PCCB: variants seen among roughly 807,000 people sequenced by gnomAD.
PCCB encodes propionyl-CoA carboxylase subunit beta.
PCCB carries 43 observed loss-of-function variants against 60.7 expected under a neutral mutation model. That is an observed-to-expected ratio of 0.71 (90% CI 0.55 to 0.91). The LOEUF (loss-of-function observed/expected upper bound fraction) is 0.91, where lower values mean the gene tolerates loss of function less well. PCCB is among the 40% of genes least tolerant of loss of function. PCCB has a pLI of 0.00. For synonymous variants in PCCB, 276 were observed against 255.9 expected (o/e 1.08, Z -0.75); for missense variants, 766 against 702.8 (o/e 1.09, Z -1.02).
chr3:136,300,108 GCATATCTA>G (rs1934201264), intron 8 of PCCB, among the ~76,000 whole-genome samples: 1 of 150,418 alleles, frequency 6.6e-6, no homozygotes, highest in African/African-American at 2.5e-5. Context: ...ATACATACAT[GCATATCTA>G]CACGTGTATA....
At chr3:136,259,235 G>A in intron 3 of PCCB, 1 of 1,084,536 alleles carries the variant, frequency 9.2e-7, no homozygotes, top group Non-Finnish European at 1.2e-6. Flanking sequence ...GGGAGGCCGA[G>A]GTGGGTAGAT....
intron 14 of PCCB, among the ~76,000 whole-genome samples, chr3:136,329,420 T>A (rs1360587724): frequency 6.6e-6 from 1 of 152,162 alleles, no homozygotes; most frequent in Non-Finnish European, 1.5e-5. Context: ...AAAGGGAAAC[T>A]GAGGCCTAGA....
intron 9 of PCCB, among the ~76,000 whole-genome samples, chr3:136,316,239 AAGC>A (rs950510156): frequency 6.6e-6 from 1 of 152,064 alleles, no homozygotes; most frequent in African/African-American, 2.4e-5. Flanking sequence ...AAAAAAAAAA[AAGC>A]AGAATAGTTT....
intron 8 of PCCB, among the ~76,000 whole-genome samples, chr3:136,300,418 G>A (rs1269453262): frequency 6.6e-6 from 1 of 152,192 alleles, no homozygotes; most frequent in African/African-American, 2.4e-5. Flanking sequence ...AAGTTGCTGG[G>A]TCCTCCTGTA....
intron 5 of PCCB, among the ~76,000 whole-genome samples, chr3:136,283,358 G>C (rs1461654897): frequency 6.6e-6 from 1 of 152,150 alleles, no homozygotes; most frequent in Admixed American, 6.5e-5. Flanking sequence ...TGGGTACTCA[G>C]TGTCAAGAAG....
At chr3:136,259,932 A>C (rs1293351209) in intron 3 of PCCB, among the ~76,000 whole-genome samples, 1 of 143,414 alleles carries the variant, frequency 7.0e-6, no homozygotes, top group Non-Finnish European at 1.5e-5. Flanking sequence ...TTTATATTTT[A>C]GTAGAGATGG....
At chr3:136,253,365 AG>A (rs1257774178) in intron 1 of PCCB, among the ~76,000 whole-genome samples, 2 of 151,706 alleles carry the variant, frequency 1.3e-5, no homozygotes, top group African/African-American at 4.9e-5. Context: ...TTGGGATTAC[AG>A]GCGTGAGCCA....
intron 6 of PCCB, among the ~76,000 whole-genome samples, chr3:136,285,454 C>T (rs1227695022): frequency 6.6e-6 from 1 of 151,946 alleles, no homozygotes; most frequent in East Asian, 1.9e-4. Context: ...AAACTGTCCT[C>T]TAGTTGGCAT....
At chr3:136,251,036 G>T (rs985081977) in intron 1 of PCCB, among the ~76,000 whole-genome samples, 1 of 152,162 alleles carries the variant, frequency 6.6e-6, no homozygotes, top group Non-Finnish European at 1.5e-5. Context: ...ACATGAAATG[G>T]GGGATGTGCG....
At chr3:136,291,931 G>A (rs1039453116) in intron 6 of PCCB, among the ~76,000 whole-genome samples, 1 of 152,166 alleles carries the variant, frequency 6.6e-6, no homozygotes, top group Non-Finnish European at 1.5e-5. Context: ...TGATCTCTCC[G>A]ACTTGTCCAT....
intron 10 of PCCB, among the ~76,000 whole-genome samples, chr3:136,324,065 T>A (rs544768900): frequency 2.8e-4 from 41 of 148,036 alleles, no homozygotes; most frequent in Non-Finnish European, 5.4e-4. Context: ...TTCCAGAGAC[T>A]ATATTTTTTG....
At chr3:136,313,359 A>T (rs960600637) in intron 9 of PCCB, among the ~76,000 whole-genome samples, 1 of 151,926 alleles carries the variant, frequency 6.6e-6, no homozygotes, top group Non-Finnish European at 1.5e-5. Flanking sequence ...TGGTTGAATA[A>T]ACTTTGGTAC....
intron 2 of PCCB, 54 bp downstream of exon 2, chr3:136,256,029 A>G: frequency 6.2e-7 from 1 of 1,612,590 alleles, no homozygotes; most frequent in Non-Finnish European, 8.5e-7. Context: ...CAGCTGGCCT[A>G]CCCACTAGAA....
intron 6 of PCCB, among the ~76,000 whole-genome samples, chr3:136,288,333 A>G (rs780036367): frequency 4.6e-5 from 7 of 151,784 alleles, no homozygotes; most frequent in Middle Eastern, 3.2e-3. Flanking sequence ...TTACTTCTTA[A>G]AATGTTTTTT....
chr3:136,277,461 C>T (rs947965566), intron 5 of PCCB, among the ~76,000 whole-genome samples: 1 of 151,964 alleles, frequency 6.6e-6, no homozygotes. Context: ...CAGGTGACAA[C>T]GGGGTCCATA....
chr3:136,324,513 T>C (rs544309677), intron 10 of PCCB, among the ~76,000 whole-genome samples: 1 of 152,360 alleles, frequency 6.6e-6, no homozygotes, highest in Admixed American at 6.5e-5. Context: ...ATCGTGTATC[T>C]CATCCTAGGC....
intron 9 of PCCB, among the ~76,000 whole-genome samples, chr3:136,315,852 G>T (rs1176123381): frequency 2.6e-5 from 4 of 151,404 alleles, no homozygotes; most frequent in Non-Finnish European, 5.9e-5. Context: ...TTGTGGTAAT[G>T]TTTATTTCCT....
rs567859020 is a variant in PCCB at position 136,327,511 on chromosome 3, C to T, written c.1300-123C>T. On this transcript the variant is annotated intron_variant, in intron 12 of 14. Transcript: ENST00000251654. Reference sequence around the variant, plus strand: ...TTGAAAGGTCTTACAGACCGTGGGCCTTCAGGAGCCCAGTAGGGCTATTCT... The same window carrying T: ...TTGAAAGGTCTTACAGACCGTGGGCTTTCAGGAGCCCAGTAGGGCTATTCT... 2.1e-5 allele frequency: 17 copies of T among 811,230 alleles called. No individual in the cohort carries two copies. The African/African-American group carries it at 2.5e-4, about 12-fold the overall frequency. The allele number at this position is 811,230 out of a possible 1,614,324, so 50.3% of individuals were successfully genotyped here.
At chr3:136,315,589 G>GTT in intron 9 of PCCB, among the ~76,000 whole-genome samples, 1 of 152,190 alleles carries the variant, frequency 6.6e-6, no homozygotes, top group East Asian at 1.9e-4. Flanking sequence ...TCAGCACTTT[G>GTT]GGAGGCTGAG....
Sources: allele counts gnomAD v4.1 joint callset (sites outside exome capture counted in the v4.1 genomes callset), GRCh38; gene constraint gnomAD v4.1.1; transcripts MANE v1.5; gene names NCBI Gene and HGNC (gene_info 2026-07-23, HGNC 2026-07-21).